HOXA3: variants seen among roughly 807,000 people sequenced by gnomAD.
HOXA3 encodes homeobox protein Hox-A3.
A neutral mutation model predicts 30.3 loss-of-function variants in HOXA3; 8 were observed. That is an observed-to-expected ratio of 0.26 (90% CI 0.15 to 0.48). The LOEUF is 0.48. Among genes scored for constraint, HOXA3 ranks in the 20% least tolerant of loss-of-function variants. The probability of loss-of-function intolerance (pLI) is 0.99; values close to 1 mark genes in which losing one functional copy is unlikely to be tolerated. For synonymous variants in HOXA3, 323 were observed against 273.1 expected, an observed-to-expected ratio of 1.18 and a Z score of -1.80; for missense variants, 653 against 614.4, an observed-to-expected ratio of 1.06 and a Z score of -0.66.
chr7:27,110,037 T>C, intron 5 of HOXA3, 78 bp downstream of exon 5: 1 of 1,533,718 alleles, frequency 6.5e-7, no homozygotes, highest in Non-Finnish European at 9.0e-7. Flanking sequence ...GCTCCTAGGC[T>C]GTGCTGGATG....
intron 1 of HOXA3, chr7:27,147,014 C>T: frequency 4.2e-6 from 2 of 476,428 alleles, no homozygotes; most frequent in South Asian, 7.2e-5. Context: ...TCCCCACCAG[C>T]CTCTCTCTCT....
chr7:27,129,070 G>A (rs975065944), intron 2 of HOXA3: 4 of 700,342 alleles, frequency 5.7e-6, no homozygotes, highest in East Asian at 2.5e-5. Context: ...ACTCTTAACC[G>A]GATAATGTCT....
At chr7:27,114,836 T>TATATATATTATATATATAATATATATA (rs1562714523) in intron 4 of HOXA3, among the ~76,000 whole-genome samples, 1 of 87,708 alleles carries the variant, frequency 1.1e-5, no homozygotes, top group Non-Finnish European at 2.4e-5. Context: ...TAATATATAT[T>TATATATATTATATATATAATATATATA]ATATATATAA....
chr7:27,125,303 C>T (rs1211032879), intron 3 of HOXA3, among the ~76,000 whole-genome samples: 2 of 152,228 alleles, frequency 1.3e-5, no homozygotes, highest in African/African-American at 4.8e-5. Context: ...ACCAAAATGG[C>T]CTCCAGGTCT....
chr7:27,147,707 G>A, intron 1 of HOXA3: 1 of 1,612,572 alleles, frequency 6.2e-7, no homozygotes, highest in South Asian at 1.1e-5. Context: ...TGGCCGCTGG[G>A]AAGGCTCCCG....
Position 27,110,558 on chromosome 7 carries a change from G to T in HOXA3, c.83C>A (p.Ala28Asp). The T allele has an allele frequency of 6.2e-7, 1 of 1,606,702 alleles. No individual in the cohort carries two copies. The change falls in exon 5 of 6, where the codon GCC becomes GAC. Residue 28 changes from alanine (A) to aspartate (D), a missense_variant. Coordinates refer to ENST00000612286, the MANE Select transcript of HOXA3 (RefSeq NM_153631.3). ...GGACGCCGGGTACGGCTGCTGATTG[G>T]CATTATAAGCGAACCCGTTGGCTGC... is the stretch of plus-strand genomic sequence containing the variant. ...YQAANGFAYN[A>D]NQQPYPASAA...
In HOXA3 at chr7:27,147,348, G is replaced by C. The variant is rs147820248; in HGVS notation, c.-494+4940C>G. The C allele has an allele frequency of 1.3e-4, 215 of 1,614,110 alleles. 3 individuals carry two copies. In the South Asian group the frequency reaches 1.5e-3, roughly 12 times the overall value. ...TCCGCTGCATCCAAGGGTAAACCGG[G>C]CTCGTGTACTTCCGGTCGGCGCCTT... is the stretch of plus-strand genomic sequence containing the variant. On this transcript the variant is annotated intron_variant, in intron 1 of 5. Coordinates refer to ENST00000612286, the MANE Select transcript of HOXA3 (RefSeq NM_153631.3).
Position 27,108,046 on chromosome 7 carries a change from C to T in HOXA3, c.1201G>A (p.Ala401Thr), listed in dbSNP as rs1238246500. Residue 401 changes from alanine (A) to threonine (T), a missense_variant, in exon 6 of 6, where the codon GCC becomes ACC. Physicochemically the swap from Ala to Thr is moderately conservative, Grantham distance 58. This residue lies in a region of HOXA3 where 330 missense variants were observed against 274.4 expected (regional missense o/e 1.20). Coordinates refer to ENST00000612286, the MANE Select transcript of HOXA3 (RefSeq NM_153631.3). This position sits in a 1 kb window ranked among gnomAD's most constrained non-coding sequence, Gnocchi z 5.0. ...AASGAMDYGGAGPLGSGHHHG... is the reference protein window; with the variant it reads ...AASGAMDYGGTGPLGSGHHHG... ...TGGTGGCCGCTGCCCAGCGGCCCGG[C>T]ACCCCCATAGTCCATGGCGCCCGAG... 1 of 1,613,034 alleles carries T rather than the reference C, an allele frequency of 6.2e-7. No individual in the cohort carries two copies. Among genetic ancestry groups the T allele is most frequent in the South Asian group, 1.1e-5 (1 of 91,032 alleles).
chr7:27,130,261 T>G, intron 2 of HOXA3: 1 of 1,192,598 alleles, frequency 8.4e-7, no homozygotes, highest in Non-Finnish European at 1.0e-6. Flanking sequence ...GGGGGCCGCC[T>G]CGCAGCGCCG....
rs147485948 is a variant in HOXA3, at chr7:27,141,113, CAAAAAAAAAAA to C, written c.-493-938_-493-928del. On this transcript the variant is annotated intron_variant, in intron 1 of 5. Coordinates refer to ENST00000612286, the MANE Select transcript of HOXA3 (RefSeq NM_153631.3). The stretch of plus-strand genomic sequence containing the variant: ...AGTATTTTTTCCTTAAAAACAAATA[CAAAAAAAAAAA>C]AAAAAAAAAAAAAGCTGATCACAGT... The C allele has an allele frequency of 1.5e-3, 125 of 82,924 alleles. 1 individual carries two copies. Among genetic ancestry groups the C allele is most frequent in the African/African-American group, 5.4e-3 (110 of 20,392 alleles). The allele number at this position is 82,924 out of a possible 1,614,324, so 5.1% of individuals were successfully genotyped here.
At chr7:27,116,654 C>G (rs1009420708) in intron 4 of HOXA3, 1 of 152,154 alleles carries the variant, frequency 6.6e-6, no homozygotes, top group Non-Finnish European at 1.5e-5. Flanking sequence ...TAAAAAGATG[C>G]CTCTAACAAA....
chr7:27,122,080 A>C (rs1013468956), intron 4 of HOXA3: 1 of 152,508 alleles, frequency 6.6e-6, no homozygotes, highest in African/African-American at 2.4e-5. Context: ...ATGGTCTAAG[A>C]AACTGCAAGA....
At chr7:27,112,012 G>A (rs1784406923) in intron 4 of HOXA3, among the ~76,000 whole-genome samples, 1 of 152,188 alleles carries the variant, frequency 6.6e-6, no homozygotes, top group Non-Finnish European at 1.5e-5. Flanking sequence ...GAAATACCAA[G>A]TAAAGGATAA....
chr7:27,147,536 A>G, intron 1 of HOXA3: 1 of 1,614,146 alleles, frequency 6.2e-7, no homozygotes. Flanking sequence ...CCGTACTCGT[A>G]GGACGCCCGG....
intron 4 of HOXA3, among the ~76,000 whole-genome samples, chr7:27,120,556 A>T (rs1410659820): frequency 1.4e-5 from 2 of 143,798 alleles, no homozygotes; most frequent in Non-Finnish European, 3.1e-5. Flanking sequence ...AAAAAAAAAA[A>T]GCCATAAATC....
At chr7:27,144,181 T>G (rs1209414457) in intron 1 of HOXA3, among the ~76,000 whole-genome samples, 1 of 152,228 alleles carries the variant, frequency 6.6e-6, no homozygotes, top group Non-Finnish European at 1.5e-5. Flanking sequence ...GTGTCGAGGT[T>G]GGGGTCGGTA....
At chr7:27,109,991 T>G in intron 5 of HOXA3, 124 bp downstream of exon 5, 1 of 1,179,120 alleles carries the variant, frequency 8.5e-7, no homozygotes, top group Non-Finnish European at 1.2e-6. Context: ...TGGTGGGCAG[T>G]GGTGTGGGAG....
At chr7:27,136,750 A>C (rs1387035368) in intron 2 of HOXA3, among the ~76,000 whole-genome samples, 2 of 152,228 alleles carry the variant, frequency 1.3e-5, no homozygotes, top group Non-Finnish European at 1.5e-5. Flanking sequence ...TTATTATTGA[A>C]AAGACTGGTT....
intron 2 of HOXA3, among the ~76,000 whole-genome samples, chr7:27,133,262 T>A (rs1785616901): frequency 6.6e-6 from 1 of 152,214 alleles, no homozygotes; most frequent in Admixed American, 6.5e-5. Flanking sequence ...TTGCAAACCA[T>A]AGCATCATTC....
Sources: allele counts gnomAD v4.1 joint callset (sites outside exome capture counted in the v4.1 genomes callset), GRCh38; gene constraint gnomAD v4.1.1; regional missense constraint gnomAD v4.1.1; non-coding constraint Gnocchi (gnomAD v3.1); transcripts MANE v1.5; gene names NCBI Gene and HGNC (gene_info 2026-07-23, HGNC 2026-07-21).